FAT1: variants seen among roughly 807,000 people sequenced by gnomAD.
FAT1 encodes the protein FAT atypical cadherin 1.
FAT1 carries 171 observed loss-of-function variants against 329.8 expected under a neutral mutation model. The observed-to-expected ratio is 0.52, with a 90% confidence interval of 0.46 to 0.59. The LOEUF is 0.59. Among genes scored for constraint, FAT1 ranks in the 20% least tolerant of loss-of-function variants. FAT1 has a pLI of 0.00. For synonymous variants in FAT1, 2,233 were observed against 2,228.6 expected (o/e 1.00, Z -0.06); for missense variants, 5,672 against 5,774.4 (o/e 0.98, Z 0.57).
chr4:186,707,240 G>A lies in FAT1; in HGVS notation c.2588C>T (p.Thr863Ile), dbSNP rs1744672533. The A allele has an allele frequency of 1.2e-6, 2 of 1,613,946 alleles. No individual in the cohort carries two copies. Among genetic ancestry groups the A allele is most frequent in the Non-Finnish European group, 1.7e-6 (2 of 1,179,886 alleles). ...GTCAATTGAAAATGTGTCTGTGTCTGTAACAATTGAGTACGTCACGTGTCC... is the reference window on the plus strand; with the variant it reads ...GTCAATTGAAAATGTGTCTGTGTCTATAACAATTGAGTACGTCACGTGTCC... ...PNGHVTYSIV[T>I]DTDTFSIDSV... The change falls in exon 2 of 27, where the codon ACA becomes ATA. Residue 863 changes from threonine to isoleucine, a missense_variant. Around this residue, in one of 2 missense-constraint regions of FAT1, gnomAD observed 3,966 missense variants for 3,915.2 expected, o/e 1.01. Coordinates refer to ENST00000441802, the MANE Select transcript of FAT1 (RefSeq NM_005245.4).
rs1459332885 is a variant in FAT1 at position 186,588,263 on chromosome 4, A to C, written c.*329T>G. 3.6e-6 allele frequency: 1 copy of C among 276,364 alleles called. No homozygotes were observed. The highest frequency in any genetic ancestry group is 6.8e-6 in the Non-Finnish European group (1 of 146,128). 17.1% of individuals were successfully genotyped at this position (276,364 alleles called of 1,614,324 possible). ...AATCTGTACATAAAATTTACAAAAA[A>C]AAGAGACAGGAAAATTAAAATAATC... On this transcript the variant is annotated 3_prime_UTR_variant, in exon 27 of 27. Transcript: ENST00000441802.
Position 186,588,762 on chromosome 4 carries a change from C to T in FAT1, c.13597G>A (p.Glu4533Lys), listed in dbSNP as rs558037855. The change falls in exon 27 of 27, where the codon GAG becomes AAG. Residue 4533 changes from glutamate (E) to lysine (K), a missense_variant. Transcript: ENST00000441802. ...YQRHFEAPAVESMPMSVYAST... is the reference protein window; with the variant it reads ...YQRHFEAPAVKSMPMSVYAST... ...GCGTACACAGACATGGGCATGCTCT[C>T]GACAGCGGGCGCCTCGAAGTGTCTT... 21 of 1,613,878 alleles carry T rather than the reference C, an allele frequency of 1.3e-5. No individual in the cohort carries two copies. Among genetic ancestry groups the T allele is most frequent in the Middle Eastern group, 1.6e-4 (1 of 6,084 alleles).
In FAT1 at chr4:186,707,444, T is replaced by C. The variant is rs1042715281; in HGVS notation, c.2384A>G (p.Tyr795Cys). The change falls in exon 2 of 27, where the codon TAT (tyrosine) becomes TGT (cysteine). Residue 795 changes from tyrosine (Y) to cysteine (C), a missense_variant. By Grantham distance (194) the Tyr-to-Cys change is radical. This residue lies in a region of FAT1 where 3,966 missense variants were observed against 3,915.2 expected (regional missense o/e 1.01). Coordinates refer to ENST00000441802, the MANE Select transcript of FAT1 (RefSeq NM_005245.4). Reference protein sequence around the residue: ...TDKYTLNITVYDLGIPQKAAW... With the variant: ...TDKYTLNITVCDLGIPQKAAW... ...AGCCTTCTGGGGTATCCCAAGGTCA[T>C]AGACGGTAATATTCAGGGTGTATTT... 36 of 1,613,920 alleles carry C rather than the reference T, an allele frequency of 2.2e-5. No individual in the cohort carries two copies. The highest frequency in any genetic ancestry group is 8.0e-5 in the African/African-American group (6 of 74,940).
At chr4:186,605,792 G>C (rs1030039342) in intron 17 of FAT1, among the ~76,000 whole-genome samples, 4 of 151,916 alleles carry the variant, frequency 2.6e-5, no homozygotes, top group Non-Finnish European at 5.9e-5. Context: ...AGAGGGCAGA[G>C]GAAAAGCACC....
At chr4:186,688,669 A>AC (rs397751171) in intron 2 of FAT1, among the ~76,000 whole-genome samples, 5 of 112,280 alleles carry the variant, frequency 4.5e-5, no homozygotes, top group African/African-American at 1.0e-4. Context: ...CCCCAAAAAA[A>AC]CACACACCCT....
In FAT1 at chr4:186,619,306, T is replaced by C. The variant is rs372188939; in HGVS notation, c.7280A>G (p.Tyr2427Cys). The change falls in exon 10 of 27, where the codon TAT becomes TGT. Residue 2427 changes from tyrosine to cysteine, a missense_variant. By Grantham distance (194) the Tyr-to-Cys change is radical. Around this residue, in one of 2 missense-constraint regions of FAT1, gnomAD observed 3,966 missense variants for 3,915.2 expected, o/e 1.01. Coordinates refer to ENST00000441802, the MANE Select transcript of FAT1 (RefSeq NM_005245.4). ...ADSSDIDKLQYSILSGNDHKH... is the reference protein window; with the variant it reads ...ADSSDIDKLQCSILSGNDHKH... ...ATGATCATTGCCAGACAGAATGGAA[T>C]ACTGCAACTTGTCTATGTCTGAACT... 2 of 1,613,956 alleles carry C rather than the reference T, an allele frequency of 1.2e-6. No individual in the cohort carries two copies. The highest frequency in any genetic ancestry group is 2.7e-5 in the African/African-American group (2 of 74,948).
At chr4:186,656,890 T>A (rs1018387436) in intron 3 of FAT1, among the ~76,000 whole-genome samples, 3 of 152,164 alleles carry the variant, frequency 2.0e-5, no homozygotes, top group African/African-American at 7.2e-5. Context: ...CTTCTAAACT[T>A]AAAAAGGCAT....
rs944074220 is a variant in FAT1 at position 186,588,425 on chromosome 4, T to C, written c.*167A>G. The C allele has an allele frequency of 5.4e-6, 4 of 743,174 alleles. No homozygotes were observed. The African/African-American group carries it at 7.1e-5, about 13-fold the overall frequency. 46.0% of individuals were successfully genotyped at this position (743,174 alleles called of 1,614,324 possible). ...GATGAAAACCTCACGATGACAGTAGTTGGGACACTGGAAATGGCTAGCACG... is the reference window on the plus strand; with the variant it reads ...GATGAAAACCTCACGATGACAGTAGCTGGGACACTGGAAATGGCTAGCACG... On this transcript the variant is annotated 3_prime_UTR_variant, in exon 27 of 27. Coordinates refer to ENST00000441802, the MANE Select transcript of FAT1 (RefSeq NM_005245.4).
intron 2 of FAT1, among the ~76,000 whole-genome samples, chr4:186,687,058 C>T (rs1021179654): frequency 3.9e-5 from 6 of 152,250 alleles, no homozygotes; most frequent in Admixed American, 1.3e-4. Context: ...ATACAAGAGA[C>T]GCTTTTTAAA....
At chr4:186,604,790 T>G (rs1739015751) in intron 17 of FAT1, among the ~76,000 whole-genome samples, 1 of 148,250 alleles carries the variant, frequency 6.7e-6, no homozygotes, top group Non-Finnish European at 1.5e-5. Flanking sequence ...AAAAGGAGGA[T>G]GAAGGAAACA....
At chr4:186,627,235 AGAATGAATGAAT>A (rs1177433360) in intron 9 of FAT1, among the ~76,000 whole-genome samples, 4 of 127,958 alleles carry the variant, frequency 3.1e-5, no homozygotes, top group Admixed American at 3.0e-4. Context: ...ACCAGCCCAC[AGAATGAATGAAT>A]GAATGAATGA....
chr4:186,711,222 GA>G (rs989696775), intron 1 of FAT1, among the ~76,000 whole-genome samples: 6 of 151,934 alleles, frequency 3.9e-5, no homozygotes, highest in African/African-American at 9.7e-5. Flanking sequence ...GCCTTAGGGG[GA>G]AAAAAAGACC....
At chr4:186,605,039 T>C (rs1165349274) in intron 17 of FAT1, among the ~76,000 whole-genome samples, 1 of 151,448 alleles carries the variant, frequency 6.6e-6, no homozygotes, top group East Asian at 2.0e-4. Context: ...GCCAACGTGG[T>C]GAAACCCCGT....
chr4:186,709,480 G>A lies in FAT1; in HGVS notation c.348C>T (p.Tyr116=), dbSNP rs2126704538. Residue 116 remains tyrosine, a synonymous_variant, in exon 2 of 27, where the codon TAC becomes TAT. Coordinates refer to ENST00000441802, the MANE Select transcript of FAT1 (RefSeq NM_005245.4). The part of the protein sequence containing the change: ...AILNREVKDH[Y]TLIVKALEKN... The stretch of plus-strand genomic sequence containing the variant: ...TTTCAAGTGCTTTCACTATCAATGT[G>A]TAGTGATCCTTCACTTCTCTATTAA... The A allele has an allele frequency of 1.2e-6, 2 of 1,613,864 alleles. No homozygotes were observed. The highest frequency in any genetic ancestry group is 1.7e-6 in the Non-Finnish European group (2 of 1,179,854).
chr4:186,640,923 G>C (rs1741062054), intron 3 of FAT1, among the ~76,000 whole-genome samples: 1 of 152,176 alleles, frequency 6.6e-6, no homozygotes, highest in Non-Finnish European at 1.5e-5. Context: ...CTGTGTGGCA[G>C]GACAATCACC....
chr4:186,644,772 C>T lies in FAT1; in HGVS notation c.3581-4989G>A, dbSNP rs561611591. Among the ~76,000 whole-genome samples the T allele has an allele frequency of 1.1e-4, 17 of 152,276 alleles. No homozygotes were observed. The South Asian group carries it at 2.3e-3, about 20-fold the overall frequency. ...AATTCAAGAGATAAAGTAGACTTCGCGAAGCAGATAGACGTAAAAGTGAAC... is the reference window on the plus strand; with the variant it reads ...AATTCAAGAGATAAAGTAGACTTCGTGAAGCAGATAGACGTAAAAGTGAAC... On this transcript the variant is annotated intron_variant, in intron 3 of 26. Transcript: ENST00000441802.
chr4:186,712,026 T>C (rs1264904196), intron 1 of FAT1, among the ~76,000 whole-genome samples: 3 of 152,238 alleles, frequency 2.0e-5, no homozygotes, highest in African/African-American at 4.8e-5. Context: ...CCATCATCCA[T>C]TGTACAACAA....
intron 1 of FAT1, among the ~76,000 whole-genome samples, chr4:186,714,874 C>A (rs1745135095): frequency 6.6e-6 from 1 of 152,004 alleles, no homozygotes; most frequent in Non-Finnish European, 1.5e-5. Flanking sequence ...GGTCAAGAGA[C>A]CGAGACCATC....
At chr4:186,682,308 C>A (rs966954908) in intron 2 of FAT1, among the ~76,000 whole-genome samples, 4 of 152,110 alleles carry the variant, frequency 2.6e-5, no homozygotes, top group Non-Finnish European at 5.9e-5. Context: ...GGGTGGATCA[C>A]CTGAGGTCAG....
Sources: allele counts gnomAD v4.1 joint callset (sites outside exome capture counted in the v4.1 genomes callset), GRCh38; gene constraint gnomAD v4.1.1; regional missense constraint gnomAD v4.1.1; transcripts MANE v1.5; gene names NCBI Gene and HGNC (gene_info 2026-07-23, HGNC 2026-07-21).